PLCB4: variants seen among roughly 807,000 people sequenced by gnomAD.
PLCB4 encodes phospholipase C beta 4, also known as 1-phosphatidylinositol 4,5-bisphosphate phosphodiesterase beta-4.
In PLCB4, 77 loss-of-function variants were observed where a neutral mutation model predicts 178.8. That is an observed-to-expected ratio of 0.43 (90% confidence interval 0.36 to 0.52). The LOEUF (loss-of-function observed/expected upper bound fraction) is 0.52, where lower values mean the gene tolerates loss of function less well. Among genes scored for constraint, PLCB4 ranks in the 20% least tolerant of loss-of-function variants. PLCB4 has a pLI of 0.00. For missense variants in PLCB4, 1,024 were observed against 1,453.4 expected (o/e 0.70, Z 4.80); for synonymous variants, 496 against 490.8 (o/e 1.01, Z -0.14).
At chr20:9,189,695 A>G (rs1350114276) in intron 2 of PLCB4, among the ~76,000 whole-genome samples, 1 of 152,204 alleles carries the variant, frequency 6.6e-6, no homozygotes, top group Non-Finnish European at 1.5e-5. Context: ...GAAGTCCAAG[A>G]TCCAGGTGCC....
chr20:9,301,382 A>G (rs1328611182), intron 3 of PLCB4, among the ~76,000 whole-genome samples: 2 of 151,876 alleles, frequency 1.3e-5, no homozygotes, highest in Admixed American at 6.6e-5. Context: ...GAGACAAAAA[A>G]TTCCTTGTGA....
intron 3 of PLCB4, among the ~76,000 whole-genome samples, chr20:9,229,043 TAAAAC>T (rs1045446103): frequency 6.6e-6 from 1 of 152,196 alleles, no homozygotes; most frequent in African/African-American, 2.4e-5. Flanking sequence ...AACAACAAAA[TAAAAC>T]AAACCCCATG....
intron 2 of PLCB4, among the ~76,000 whole-genome samples, chr20:9,152,280 A>T (rs1410201058): frequency 1.3e-5 from 2 of 152,208 alleles, no homozygotes; most frequent in Non-Finnish European, 2.9e-5. Flanking sequence ...CCCCAAGACC[A>T]TGGAGAAAAT....
chr20:9,409,777 G>A (rs1424586397), intron 24 of PLCB4, among the ~76,000 whole-genome samples: 2 of 151,950 alleles, frequency 1.3e-5, no homozygotes, highest in Non-Finnish European at 2.9e-5. Context: ...TTTTCTGGAA[G>A]GAAAAGAGTA....
intron 7 of PLCB4, among the ~76,000 whole-genome samples, chr20:9,343,876 A>G (rs533324926): frequency 4.6e-5 from 7 of 152,226 alleles, no homozygotes; most frequent in African/African-American, 1.7e-4. Flanking sequence ...TGTTTGCTCT[A>G]CCCTCAGCAG....
At chr20:9,081,371 T>C (rs2090139760) in intron 1 of PLCB4, among the ~76,000 whole-genome samples, 1 of 152,222 alleles carries the variant, frequency 6.6e-6, no homozygotes, top group Non-Finnish European at 1.5e-5. Flanking sequence ...TGATGAAGTT[T>C]TAACTCCTTT....
chr20:9,371,362 G>A (rs2036238349), intron 10 of PLCB4, 67 bp downstream of exon 10: 1 of 822,406 alleles, frequency 1.2e-6, no homozygotes, highest in Non-Finnish European at 2.1e-6. Flanking sequence ...TATGTAATGA[G>A]CTAGATTATT....
intron 3 of PLCB4, among the ~76,000 whole-genome samples, chr20:9,232,870 C>T (rs1286501900): frequency 2.6e-5 from 4 of 152,042 alleles, no homozygotes; most frequent in Admixed American, 2.6e-4. Flanking sequence ...GCTGTTCAGT[C>T]TCCGATAGTT....
chr20:9,231,085 G>A (rs1374576733), intron 3 of PLCB4, among the ~76,000 whole-genome samples: 1 of 152,134 alleles, frequency 6.6e-6, no homozygotes, highest in Admixed American at 6.6e-5. Context: ...TCCCAAATTT[G>A]GAGACATAGT....
intron 2 of PLCB4, among the ~76,000 whole-genome samples, chr20:9,142,579 A>C (rs1450391616): frequency 6.6e-6 from 1 of 152,174 alleles, no homozygotes; most frequent in African/African-American, 2.4e-5. Context: ...ATATCTTCAG[A>C]TACTGACATC....
intron 2 of PLCB4, among the ~76,000 whole-genome samples, chr20:9,169,353 C>T (rs1013931301): frequency 6.0e-5 from 9 of 150,954 alleles, no homozygotes; most frequent in African/African-American, 1.5e-4. Context: ...TCTGGGAGGC[C>T]GAAGCAGGAA....
intron 3 of PLCB4, among the ~76,000 whole-genome samples, chr20:9,296,064 A>G (rs2094630099): frequency 6.6e-6 from 1 of 152,220 alleles, no homozygotes; most frequent in Admixed American, 6.5e-5. Flanking sequence ...ATCAAAGTGA[A>G]CAGGCAACCT....
In PLCB4 at chr20:9,218,528, T is replaced by C. The variant is rs2147277310; in HGVS notation, c.-16+1076T>C. Reference sequence around the variant, plus strand: ...GAACCAGCAACTTTATTGTTTCTCCTAATAGGTCCTCCTGGAGGATCTGTT... The same window carrying C: ...GAACCAGCAACTTTATTGTTTCTCCCAATAGGTCCTCCTGGAGGATCTGTT... On this transcript the variant is annotated intron_variant, in intron 3 of 39. Transcript: ENST00000378473. Among the ~76,000 whole-genome samples the C allele has an allele frequency of 2.0e-5, 3 of 152,338 alleles. 1 individual carries two copies. In the South Asian group the frequency reaches 6.2e-4, roughly 32 times the overall value.
At chr20:9,171,973 C>CCT (rs1362887497) in intron 2 of PLCB4, among the ~76,000 whole-genome samples, 9 of 152,042 alleles carry the variant, frequency 5.9e-5, no homozygotes, top group South Asian at 2.1e-4. Context: ...GTCAACTTGT[C>CCT]AAGAACAGAA....
chr20:9,324,231 G>A (rs973658757), intron 4 of PLCB4, among the ~76,000 whole-genome samples: 4 of 151,142 alleles, frequency 2.6e-5, no homozygotes, highest in East Asian at 1.9e-4. Context: ...TGGCTCTCAC[G>A]CCTGGCCAAC....
chr20:9,108,606 T>G (rs138331429), intron 2 of PLCB4, among the ~76,000 whole-genome samples: 1 of 151,910 alleles, frequency 6.6e-6, no homozygotes, highest in African/African-American at 2.4e-5. Flanking sequence ...TAATACTAAT[T>G]ATTATTAAGA....
rs998261110 is a variant in PLCB4 at position 9,427,388 on chromosome 20, T to C, written c.2524+3436T>C. 2.0e-5 allele frequency among the ~76,000 whole-genome samples: 3 copies of C among 151,622 alleles called. No homozygotes were observed. The South Asian group carries it at 6.3e-4, about 32-fold the overall frequency. On this transcript the variant is annotated intron_variant, in intron 28 of 39. Coordinates refer to ENST00000378473, the MANE Select transcript of PLCB4 (RefSeq NM_001377142.1). ...TATCAGAAAAAAAAAAAAAGTAACA[T>C]TTAGGACAGATGATTAGGAATGAAT...
chr20:9,325,857 CTA>C (rs936856749), intron 4 of PLCB4, among the ~76,000 whole-genome samples: 2 of 152,178 alleles, frequency 1.3e-5, no homozygotes, highest in African/African-American at 4.8e-5. Context: ...TTTCAGGCTG[CTA>C]TAACAAAATA....
At chr20:9,077,296 G>A (rs2089916995) in intron 1 of PLCB4, among the ~76,000 whole-genome samples, 1 of 151,992 alleles carries the variant, frequency 6.6e-6, no homozygotes, top group African/African-American at 2.4e-5. Context: ...AATTTTTTTT[G>A]TAGCTAAATT....
Sources: gnomAD v4.1 joint callset for allele counts (sites outside exome capture counted in the v4.1 genomes callset) on GRCh38, gnomAD v4.1.1 for gene constraint, MANE v1.5 for transcripts, NCBI Gene and HGNC (gene_info 2026-07-23, HGNC 2026-07-21) for gene names.